The following FAM168A variants were observed in gnomAD, a reference collection of about 807,000 sequenced individuals.
FAM168A encodes the protein family with sequence similarity 168 member A.
Under a neutral mutation model 28.5 loss-of-function variants are expected in FAM168A, and 3 were observed. The observed-to-expected ratio is 0.11, with a 90% CI of 0.05 to 0.27. The LOEUF (loss-of-function observed/expected upper bound fraction) is 0.27, where lower values mean the gene tolerates loss of function less well. FAM168A is among the 10% of genes least tolerant of loss of function. The pLI is 1.00. For synonymous variants in FAM168A, 122 were observed against 124.2 expected, an observed-to-expected ratio of 0.98 and a Z score of 0.12; for missense variants, 222 against 311.5, an observed-to-expected ratio of 0.71 and a Z score of 2.16.
In FAM168A at chr11:73,403,472, C is replaced by T. The variant is rs995081153; in HGVS notation, c.*3291G>A. 6 of 152,252 alleles carry T rather than the reference C, an allele frequency of 3.9e-5. No individual in the cohort carries two copies. Among genetic ancestry groups the T allele is most frequent in the African/African-American group, 1.4e-4 (6 of 41,450 alleles). 9.4% of individuals were successfully genotyped at this position (152,252 alleles called of 1,614,324 possible). On this transcript the variant is annotated 3_prime_UTR_variant, in exon 8 of 8. Coordinates refer to ENST00000356467, the MANE Select transcript of FAM168A (RefSeq NM_015159.3). Reference sequence around the variant, plus strand: ...GGCATGAGGAGGAGAGAGGGGTTTGCATCCTGGGGCCAGTGCTGTAGCTCA... The same window carrying T: ...GGCATGAGGAGGAGAGAGGGGTTTGTATCCTGGGGCCAGTGCTGTAGCTCA...
intron 1 of FAM168A, among the ~76,000 whole-genome samples, chr11:73,508,523 A>G (rs1855158739): frequency 6.6e-6 from 1 of 152,100 alleles, no homozygotes; most frequent in Admixed American, 6.5e-5. Flanking sequence ...TCCTACTTCT[A>G]GCCCTGCAGG....
intron 1 of FAM168A, chr11:73,580,370 G>A: frequency 1.7e-6 from 1 of 605,754 alleles, no homozygotes; most frequent in Non-Finnish European, 3.2e-6. Context: ...TAGAGCCCAG[G>A]CCAAAAAAGC....
chr11:73,406,861 T>A (rs1163799070), intron 7 of FAM168A, 117 bp from the exon 8 acceptor site: 3 of 152,332 alleles, frequency 2.0e-5, no homozygotes, highest in African/African-American at 7.2e-5. Flanking sequence ...CTGTGGAAGT[T>A]GTTGTGCTCT....
rs572045277 is a variant in FAM168A, at chr11:73,486,112, G to A, written c.-18-17620C>T. 2.6e-5 allele frequency among the ~76,000 whole-genome samples: 4 copies of A among 152,202 alleles called. No homozygotes were observed. The East Asian group carries it at 7.7e-4, about 29-fold the overall frequency. Reference sequence around the variant, plus strand: ...GGCCCATTATTGGTAATACAATATGGGTATGGTTGACTTAGTTTAGACAAG... The same window carrying A: ...GGCCCATTATTGGTAATACAATATGAGTATGGTTGACTTAGTTTAGACAAG... On this transcript the variant is annotated intron_variant, in intron 1 of 7. Transcript: ENST00000356467.
At chr11:73,495,398 A>G (rs2134614598) in intron 1 of FAM168A, among the ~76,000 whole-genome samples, 1 of 152,326 alleles carries the variant, frequency 6.6e-6, no homozygotes, top group Non-Finnish European at 1.5e-5. Context: ...TAACCCAATC[A>G]AGAACAATGC....
chr11:73,561,546 C>G (rs993175273), intron 1 of FAM168A, among the ~76,000 whole-genome samples: 1 of 151,918 alleles, frequency 6.6e-6, no homozygotes, highest in Non-Finnish European at 1.5e-5. Flanking sequence ...CTTTTGTAAA[C>G]TACTCTCAAT....
chr11:73,422,504 G>C (rs533205550), intron 3 of FAM168A, among the ~76,000 whole-genome samples: 5 of 152,080 alleles, frequency 3.3e-5, no homozygotes, highest in African/African-American at 4.8e-5. Flanking sequence ...TCCATATAAC[G>C]ATTCTAAAGT....
At chr11:73,475,651 C>A (rs200400297) in intron 1 of FAM168A, among the ~76,000 whole-genome samples, 18 of 150,000 alleles carry the variant, frequency 1.2e-4, no homozygotes, top group African/African-American at 3.5e-4. Flanking sequence ...AAAAAAAAAA[C>A]CATTTTGGGC....
chr11:73,568,896 A>G (rs764158387), intron 1 of FAM168A, among the ~76,000 whole-genome samples: 4 of 152,194 alleles, frequency 2.6e-5, no homozygotes, highest in Non-Finnish European at 4.4e-5. Context: ...CAAAAAAACA[A>G]AAACAAAAAC....
In FAM168A at chr11:73,531,425, C is replaced by T. The variant is rs933359183; in HGVS notation, c.-18-62933G>A. ...CAAAGAGCAATAGATATCAGATGAA[C>T]GACAACATCCTGGAAGGCTTTTGAG... On this transcript the variant is annotated intron_variant, in intron 1 of 7. Coordinates refer to ENST00000356467, the MANE Select transcript of FAM168A (RefSeq NM_015159.3). Among the ~76,000 whole-genome samples, 7 of 152,226 alleles carry T rather than the reference C, an allele frequency of 4.6e-5. No individual in the cohort carries two copies. The East Asian group carries it at 9.6e-4, about 21-fold the overall frequency.
intron 4 of FAM168A, among the ~76,000 whole-genome samples, chr11:73,417,150 T>A (rs1156991823): frequency 6.6e-6 from 1 of 152,134 alleles, no homozygotes; most frequent in African/African-American, 2.4e-5. Flanking sequence ...TTTTTGGAGA[T>A]GGTTTGTTGG....
rs1442938008 is a variant in FAM168A, at chr11:73,403,182, C to T, written c.*3581G>A. 1.3e-5 allele frequency: 2 copies of T among 152,166 alleles called. No homozygotes were observed. Among genetic ancestry groups the T allele is most frequent in the African/African-American group, 4.8e-5 (2 of 41,418 alleles). The allele number at this position is 152,166 out of a possible 1,614,324, so 9.4% of individuals were successfully genotyped here. ...GGAAAGAGGATATACATTTTAGGGTCATTGCCAGGTAAGAAAGAACAGCAA... is the reference window on the plus strand; with the variant it reads ...GGAAAGAGGATATACATTTTAGGGTTATTGCCAGGTAAGAAAGAACAGCAA... On this transcript the variant is annotated 3_prime_UTR_variant, in exon 8 of 8. Coordinates refer to ENST00000356467, the MANE Select transcript of FAM168A (RefSeq NM_015159.3).
intron 1 of FAM168A, among the ~76,000 whole-genome samples, chr11:73,577,195 A>G (rs1944187692): frequency 6.6e-6 from 1 of 152,222 alleles, no homozygotes; most frequent in Non-Finnish European, 1.5e-5. Flanking sequence ...TATGCCAACT[A>G]TGGTACACAT....
At chr11:73,446,820 C>T (rs1867324094) in intron 2 of FAM168A, among the ~76,000 whole-genome samples, 1 of 152,124 alleles carries the variant, frequency 6.6e-6, no homozygotes, top group Non-Finnish European at 1.5e-5. Context: ...TCCTTTTTCC[C>T]TCTCTCTCCA....
At chr11:73,534,439 G>A (rs1194790722) in intron 1 of FAM168A, among the ~76,000 whole-genome samples, 1 of 147,550 alleles carries the variant, frequency 6.8e-6, no homozygotes, top group Non-Finnish European at 1.5e-5. Context: ...GTCTCACTCT[G>A]TCACCCAGGC....
intron 3 of FAM168A, among the ~76,000 whole-genome samples, chr11:73,420,553 A>G (rs116028310): frequency 0.018 from 2,750 of 152,370 alleles, 67 homozygotes; most frequent in African/African-American, 0.055. Flanking sequence ...GCACTGTGCC[A>G]CACCGAACCT....
At chr11:73,527,778 C>T (rs970851223) in intron 1 of FAM168A, among the ~76,000 whole-genome samples, 7 of 148,358 alleles carry the variant, frequency 4.7e-5, no homozygotes, top group African/African-American at 1.7e-4. Context: ...AATGACAAAA[C>T]GAAAAAAAAA....
At chr11:73,469,235 G>A (rs968595757) in intron 1 of FAM168A, among the ~76,000 whole-genome samples, 1 of 152,106 alleles carries the variant, frequency 6.6e-6, no homozygotes, top group Non-Finnish European at 1.5e-5. Context: ...CTGATTAATG[G>A]AAAATCTGTC....
intron 1 of FAM168A, among the ~76,000 whole-genome samples, chr11:73,504,009 C>G (rs193213355): frequency 6.6e-6 from 1 of 152,156 alleles, no homozygotes; most frequent in East Asian, 1.9e-4. Context: ...TAACTCAAGA[C>G]GGATTAAAGA....
Sources: allele counts gnomAD v4.1 joint callset (sites outside exome capture counted in the v4.1 genomes callset), GRCh38; gene constraint gnomAD v4.1.1; transcripts MANE v1.5; gene names NCBI Gene and HGNC (gene_info 2026-07-23, HGNC 2026-07-21).